ZNF385D: variants seen among roughly 807,000 people sequenced by gnomAD.
ZNF385D encodes the protein zinc finger protein 385D.
Under a neutral mutation model 35.8 loss-of-function variants are expected in ZNF385D, and 15 were observed. That is an observed-to-expected ratio of 0.42 (90% CI 0.28 to 0.64). The LOEUF is 0.64. ZNF385D is among the 30% of genes least tolerant of loss of function. ZNF385D has a pLI of 0.23. For synonymous variants in ZNF385D, 212 were observed against 186.8 expected (o/e 1.13, Z -1.10); for missense variants, 474 against 494.6 (o/e 0.96, Z 0.39).
intron 2 of ZNF385D, among the ~76,000 whole-genome samples, chr3:21,653,075 C>A (rs2065965563): frequency 1.3e-5 from 2 of 151,918 alleles, no homozygotes; most frequent in Non-Finnish European, 2.9e-5. Context: ...TTCAATCTCC[C>A]TCTCTCTCTC....
At chr3:22,103,471 T>G (rs551785752) in intron 3 of ZNF385D, among the ~76,000 whole-genome samples, 3 of 152,220 alleles carry the variant, frequency 2.0e-5, no homozygotes, top group Non-Finnish European at 4.4e-5. Context: ...ATTTTACAAT[T>G]TTCATAAACT....
At chr3:21,577,012 C>G (rs180793424) in intron 2 of ZNF385D, among the ~76,000 whole-genome samples, 30 of 152,214 alleles carry the variant, frequency 2.0e-4, no homozygotes, top group South Asian at 1.5e-3. Context: ...GTGTTGGGAA[C>G]ATTCAATGTC....
chr3:22,237,296 T>A (rs1699240924), intron 2 of ZNF385D, among the ~76,000 whole-genome samples: 1 of 152,216 alleles, frequency 6.6e-6, no homozygotes, highest in Non-Finnish European at 1.5e-5. Context: ...CATCTTTTCA[T>A]GTGCCTACTG....
chr3:22,026,712 A>G (rs1217204602), intron 3 of ZNF385D, among the ~76,000 whole-genome samples: 1 of 152,186 alleles, frequency 6.6e-6, no homozygotes, highest in African/African-American at 2.4e-5. Flanking sequence ...GGAAAGGCCA[A>G]ATGGAAGCCA....
chr3:22,254,527 T>C (rs1700217502), intron 2 of ZNF385D, among the ~76,000 whole-genome samples: 3 of 151,816 alleles, frequency 2.0e-5, no homozygotes, highest in African/African-American at 7.2e-5. Context: ...AATATGTATA[T>C]TTCCTAAATA....
At chr3:22,084,945 G>A (rs1198677879) in intron 3 of ZNF385D, among the ~76,000 whole-genome samples, 2 of 152,124 alleles carry the variant, frequency 1.3e-5, no homozygotes, top group South Asian at 2.1e-4. Context: ...ACAACTACAT[G>A]GAAACTGAAC....
chr3:21,738,407 A>G (rs2069350442), intron 1 of ZNF385D, among the ~76,000 whole-genome samples: 2 of 152,346 alleles, frequency 1.3e-5, no homozygotes, highest in South Asian at 2.1e-4. Context: ...TAATTCTTCC[A>G]TAACAGGGCT....
chr3:22,163,966 C>A (rs569731501), intron 3 of ZNF385D, among the ~76,000 whole-genome samples: 8 of 152,278 alleles, frequency 5.3e-5, no homozygotes, highest in Admixed American at 3.9e-4. Flanking sequence ...AGCTAGGTTT[C>A]TGTGTAGGTA....
chr3:21,523,825 C>G (rs1229668815), intron 3 of ZNF385D, among the ~76,000 whole-genome samples: 4 of 151,762 alleles, frequency 2.6e-5, no homozygotes, highest in African/African-American at 9.7e-5. Context: ...TATGACATCA[C>G]TCTGGCAGGG....
intron 1 of ZNF385D, among the ~76,000 whole-genome samples, chr3:21,707,092 A>T (rs2067934249): frequency 6.6e-6 from 1 of 152,144 alleles, no homozygotes; most frequent in Admixed American, 6.6e-5. Context: ...ACTTGCCAAG[A>T]ATATTTGTTA....
At chr3:22,123,659 A>G (rs1457200926) in intron 3 of ZNF385D, among the ~76,000 whole-genome samples, 1 of 152,182 alleles carries the variant, frequency 6.6e-6, no homozygotes, top group Non-Finnish European at 1.5e-5. Flanking sequence ...CAGGCATTCA[A>G]GACCAGCCTG....
At chr3:21,725,387 T>G (rs1272287062) in intron 1 of ZNF385D, among the ~76,000 whole-genome samples, 1 of 151,956 alleles carries the variant, frequency 6.6e-6, no homozygotes, top group Non-Finnish European at 1.5e-5. Context: ...AATCAATGAA[T>G]CCAGGAGCTG....
chr3:21,766,088 T>C (rs1284045129), intron 3 of ZNF385D, among the ~76,000 whole-genome samples: 1 of 152,102 alleles, frequency 6.6e-6, no homozygotes, highest in African/African-American at 2.4e-5. Context: ...AAGTCAGTCA[T>C]ACTGGGAGAA....
intron 2 of ZNF385D, among the ~76,000 whole-genome samples, chr3:22,368,594 G>C (rs1696762241): frequency 6.6e-6 from 1 of 152,156 alleles, no homozygotes; most frequent in Non-Finnish European, 1.5e-5. Context: ...CAGATTCAAT[G>C]ACTGCGGTGG....
At chr3:21,859,374 T>A (rs2125826581) in intron 3 of ZNF385D, among the ~76,000 whole-genome samples, 1 of 151,644 alleles carries the variant, frequency 6.6e-6, no homozygotes, top group Middle Eastern at 3.4e-3. Flanking sequence ...TTATCTTTCC[T>A]CTTAAGTAGT....
intron 2 of ZNF385D, among the ~76,000 whole-genome samples, chr3:22,242,371 G>A (rs1355430106): frequency 6.6e-6 from 1 of 151,014 alleles, no homozygotes. Context: ...AACACAGCTA[G>A]AGAACCTGGC....
At chr3:21,781,893 G>C (rs141383628) in intron 3 of ZNF385D, among the ~76,000 whole-genome samples, 161 of 152,144 alleles carry the variant, frequency 1.1e-3, no homozygotes, top group African/African-American at 3.7e-3. Flanking sequence ...TAGTATTTAA[G>C]TGAAAGCTCA....
intron 1 of ZNF385D, among the ~76,000 whole-genome samples, chr3:21,736,294 T>C (rs951928099): frequency 6.6e-6 from 1 of 152,184 alleles, no homozygotes; most frequent in Non-Finnish European, 1.5e-5. Context: ...CATCTTCCTT[T>C]TTTTACCATA....
At chr3:22,261,409 C>T (rs1333480216) in intron 2 of ZNF385D, among the ~76,000 whole-genome samples, 1 of 151,892 alleles carries the variant, frequency 6.6e-6, no homozygotes, top group Non-Finnish European at 1.5e-5. Flanking sequence ...CTTGGTAAGG[C>T]TAGTAAATAA....
Sources: gnomAD v4.1 joint callset for allele counts (sites outside exome capture counted in the v4.1 genomes callset) on GRCh38, gnomAD v4.1.1 for gene constraint, MANE v1.5 for transcripts, NCBI Gene and HGNC (gene_info 2026-07-23, HGNC 2026-07-21) for gene names.